MECOM: variants seen among roughly 807,000 people sequenced by gnomAD.
MECOM encodes the protein MDS1 and EVI1 complex locus.
Under a neutral mutation model 116.3 loss-of-function variants are expected in MECOM, and 13 were observed. That is an observed-to-expected ratio of 0.11 (90% CI 0.07 to 0.18). The LOEUF (loss-of-function observed/expected upper bound fraction) is 0.18, where lower values mean the gene tolerates loss of function less well. Ranked by LOEUF, MECOM falls within the 10% of genes least tolerant of loss-of-function variation. MECOM has a pLI of 1.00. For synonymous variants in MECOM, 528 were observed against 535.2 expected, an observed-to-expected ratio of 0.99 and a Z score of 0.19; for missense variants, 1,299 against 1,509.0, an observed-to-expected ratio of 0.86 and a Z score of 2.31.
chr3:169,449,672 G>A (rs974006052), intron 1 of MECOM, among the ~76,000 whole-genome samples: 1 of 152,122 alleles, frequency 6.6e-6, no homozygotes, highest in Non-Finnish European at 1.5e-5. Context: ...TTGGTGAGGT[G>A]GCGGTAAGCT....
intron 2 of MECOM, among the ~76,000 whole-genome samples, chr3:169,254,345 A>G (rs540472256): frequency 6.6e-6 from 1 of 152,278 alleles, no homozygotes; most frequent in African/African-American, 2.4e-5. Context: ...CTTTTGCTCT[A>G]GCCCTGTTCT....
At chr3:169,467,735 G>A (rs1003901626) in intron 1 of MECOM, among the ~76,000 whole-genome samples, 1 of 152,168 alleles carries the variant, frequency 6.6e-6, no homozygotes, top group African/African-American at 2.4e-5. Flanking sequence ...CACTGAGGTT[G>A]TAAGTCTAGT....
At chr3:169,147,819 T>G in intron 2 of MECOM, 1 of 796,462 alleles carries the variant, frequency 1.3e-6, no homozygotes, top group South Asian at 5.9e-5. Flanking sequence ...AGAAGTGCTT[T>G]CAGGGGTGTG....
chr3:169,374,725 AT>A (rs1730723829), intron 2 of MECOM, among the ~76,000 whole-genome samples: 1 of 151,914 alleles, frequency 6.6e-6, no homozygotes, highest in Non-Finnish European at 1.5e-5. Context: ...TTAGGTAGTA[AT>A]ATATTGTAAT....
chr3:169,226,081 G>A (rs980074159), intron 2 of MECOM, among the ~76,000 whole-genome samples: 1 of 152,178 alleles, frequency 6.6e-6, no homozygotes, highest in Non-Finnish European at 1.5e-5. Flanking sequence ...AATAATTTCT[G>A]AGCACGTCCC....
intron 2 of MECOM, among the ~76,000 whole-genome samples, chr3:169,155,344 G>A (rs1741791755): frequency 6.6e-6 from 1 of 151,804 alleles, no homozygotes. Context: ...TCCTTTCTCT[G>A]GGCACAAATC....
intron 1 of MECOM, among the ~76,000 whole-genome samples, chr3:169,588,364 T>G (rs1766007273): frequency 6.6e-6 from 1 of 152,208 alleles, no homozygotes; most frequent in South Asian, 2.1e-4. Flanking sequence ...ACTTTTATTT[T>G]GTTTTGTTTT....
At chr3:169,378,447 A>AAGAAAGCGAGCG (rs1731549056) in intron 2 of MECOM, among the ~76,000 whole-genome samples, 1 of 76,396 alleles carries the variant, frequency 1.3e-5, no homozygotes, top group Non-Finnish European at 2.3e-5. Context: ...GAAAGAAAGA[A>AAGAAAGCGAGCG]AGAAGGAAAG....
intron 1 of MECOM, among the ~76,000 whole-genome samples, chr3:169,426,816 G>A (rs1740777845): frequency 6.6e-6 from 1 of 152,176 alleles, no homozygotes; most frequent in South Asian, 2.1e-4. Context: ...GTATCACTTA[G>A]GCATCCAGTT....
chr3:169,646,623 C>T (rs952282827), intron 1 of MECOM, among the ~76,000 whole-genome samples: 3 of 151,476 alleles, frequency 2.0e-5, no homozygotes, highest in African/African-American at 4.8e-5. Flanking sequence ...GATAAGTGAA[C>T]GAGACTTGGT....
chr3:169,554,052 A>G (rs1181830779), intron 1 of MECOM, among the ~76,000 whole-genome samples: 1 of 152,214 alleles, frequency 6.6e-6, no homozygotes, highest in African/African-American at 2.4e-5. Context: ...ATTTAGGTGG[A>G]AAGCAGTCAT....
chr3:169,607,907 A>T (rs1768790758), intron 1 of MECOM, among the ~76,000 whole-genome samples: 1 of 152,154 alleles, frequency 6.6e-6, no homozygotes, highest in East Asian at 1.9e-4. Flanking sequence ...CAAGAGATAT[A>T]TTTTATAATC....
intron 1 of MECOM, among the ~76,000 whole-genome samples, chr3:169,498,341 C>T (rs1174504574): frequency 1.3e-5 from 2 of 151,978 alleles, no homozygotes; most frequent in East Asian, 1.9e-4. Context: ...TGTTCAAAAG[C>T]GAGAAATAAT....
intron 2 of MECOM, among the ~76,000 whole-genome samples, chr3:169,160,343 C>A (rs1006773794): frequency 4.0e-5 from 6 of 151,572 alleles, no homozygotes; most frequent in Non-Finnish European, 7.4e-5. Context: ...TTCAAAATTA[C>A]GCTAGAAATG....
chr3:169,255,684 G>C (rs1175744536), intron 2 of MECOM, among the ~76,000 whole-genome samples: 1 of 152,046 alleles, frequency 6.6e-6, no homozygotes, highest in Non-Finnish European at 1.5e-5. Flanking sequence ...TCAAAATCTT[G>C]CACTGTTATG....
At chr3:169,659,750 G>T (rs1776032572) in intron 1 of MECOM, among the ~76,000 whole-genome samples, 1 of 152,028 alleles carries the variant, frequency 6.6e-6, no homozygotes, top group African/African-American at 2.4e-5. Context: ...GCCTGAATCT[G>T]GGTGTTGTGT....
chr3:169,383,592 G>A (rs1157692693), intron 1 of MECOM, among the ~76,000 whole-genome samples: 1 of 152,052 alleles, frequency 6.6e-6, no homozygotes, highest in African/African-American at 2.4e-5. Context: ...TATTTTCATA[G>A]TCCTTTAAAT....
At chr3:169,625,619 ATCTT>A (rs1382239347) in intron 1 of MECOM, among the ~76,000 whole-genome samples, 9 of 152,228 alleles carry the variant, frequency 5.9e-5, no homozygotes, top group Non-Finnish European at 1.5e-5. Flanking sequence ...TCCCATTATC[ATCTT>A]TCATCTGAAA....
At chr3:169,234,408 C>T (rs74591013) in intron 2 of MECOM, among the ~76,000 whole-genome samples, 2,008 of 147,642 alleles carry the variant, frequency 0.014, 17 homozygotes, top group South Asian at 0.03. Flanking sequence ...TGTCATTGAG[C>T]AAATGATGGA....
Sources: allele counts gnomAD v4.1 joint callset (sites outside exome capture counted in the v4.1 genomes callset), GRCh38; gene constraint gnomAD v4.1.1; transcripts MANE v1.5; gene names NCBI Gene and HGNC (gene_info 2026-07-23, HGNC 2026-07-21).